CHN2: variants seen among roughly 807,000 people sequenced by gnomAD.
CHN2 encodes beta-chimaerin.
CHN2 carries 35 observed loss-of-function variants against 56.3 expected under a neutral mutation model. The ratio of observed to expected loss-of-function variants is 0.62; its 90% CI spans 0.47 to 0.82. The LOEUF is 0.82. Among genes scored for constraint, CHN2 ranks in the 40% least tolerant of loss-of-function variants. The pLI is 0.00. For missense variants in CHN2, 491 were observed against 580.5 expected, an observed-to-expected ratio of 0.85 and a Z score of 1.58; for synonymous variants, 210 against 212.8, an observed-to-expected ratio of 0.99 and a Z score of 0.12.
intron 1 of CHN2, among the ~76,000 whole-genome samples, chr7:29,303,486 C>G (rs1275914339): frequency 6.6e-6 from 1 of 152,192 alleles, no homozygotes; most frequent in Non-Finnish European, 1.5e-5. Context: ...CCCCTTCCCT[C>G]TTATTTCCCA....
chr7:29,256,408 G>T (rs1193836155), intron 1 of CHN2, among the ~76,000 whole-genome samples: 1 of 152,332 alleles, frequency 6.6e-6, no homozygotes, highest in South Asian at 2.1e-4. Context: ...AGGTTTGTAT[G>T]TGAACATTCG....
chr7:29,504,631 G>C (rs1790355198), intron 9 of CHN2, 113 bp from the exon 10 acceptor site: 1 of 677,004 alleles, frequency 1.5e-6, no homozygotes, highest in East Asian at 2.6e-5. Flanking sequence ...TAAAATCACT[G>C]TCTATGTTTG....
chr7:29,473,703 T>G (rs2128532190), intron 6 of CHN2, among the ~76,000 whole-genome samples: 1 of 151,598 alleles, frequency 6.6e-6, no homozygotes, highest in Non-Finnish European at 1.5e-5. Context: ...CCTCCGGGGG[T>G]TCTGATGCCT....
chr7:29,473,482 T>TTTTGTGTG (rs539151442), intron 6 of CHN2, among the ~76,000 whole-genome samples: 113 of 118,182 alleles, frequency 9.6e-4, no homozygotes, highest in Admixed American at 2.2e-3. Context: ...TTTTTTTTTT[T>TTTTGTGTG]TGTGTGTGTG....
At chr7:29,358,708 C>T (rs1190352424) in intron 2 of CHN2, among the ~76,000 whole-genome samples, 1 of 152,152 alleles carries the variant, frequency 6.6e-6, no homozygotes, top group African/African-American at 2.4e-5. Flanking sequence ...TCGTGATCTG[C>T]CCGCCTCGGC....
intron 1 of CHN2, among the ~76,000 whole-genome samples, chr7:29,261,702 C>G (rs999692596): frequency 6.6e-6 from 1 of 152,142 alleles, no homozygotes; most frequent in Non-Finnish European, 1.5e-5. Flanking sequence ...GAAATTACTT[C>G]AAATAAATAC....
At chr7:29,424,644 A>G (rs1264168031) in intron 6 of CHN2, among the ~76,000 whole-genome samples, 1 of 152,200 alleles carries the variant, frequency 6.6e-6, no homozygotes, top group African/African-American at 2.4e-5. Flanking sequence ...GTTTTTAAAA[A>G]TATTTTTAAT....
intron 1 of CHN2, among the ~76,000 whole-genome samples, chr7:29,318,413 A>G (rs1180795378): frequency 6.6e-6 from 1 of 152,164 alleles, no homozygotes; most frequent in Non-Finnish European, 1.5e-5. Flanking sequence ...AGCCCTTTAC[A>G]GGAAGTTTGT....
intron 1 of CHN2, among the ~76,000 whole-genome samples, chr7:29,197,010 G>T (rs1783788287): frequency 6.6e-6 from 1 of 152,164 alleles, no homozygotes; most frequent in Non-Finnish European, 1.5e-5. Flanking sequence ...CAGGCACTTT[G>T]TCTTGAAAAA....
At chr7:29,482,163 G>A (rs761051255) in intron 7 of CHN2, among the ~76,000 whole-genome samples, 9 of 152,152 alleles carry the variant, frequency 5.9e-5, no homozygotes, top group East Asian at 1.9e-4. Context: ...GCTATTCACC[G>A]TTAACAGCTC....
chr7:29,490,116 T>C (rs1178756986), intron 7 of CHN2, among the ~76,000 whole-genome samples: 1 of 146,046 alleles, frequency 6.8e-6, no homozygotes, highest in African/African-American at 2.5e-5. Context: ...CATTCCTTTT[T>C]TTTTTTTTTT....
chr7:29,454,785 C>T (rs992768017), intron 6 of CHN2, among the ~76,000 whole-genome samples: 5 of 152,118 alleles, frequency 3.3e-5, no homozygotes, highest in Non-Finnish European at 4.4e-5. Context: ...GGCTACGTGA[C>T]TACGTGCATT....
chr7:29,153,706 AT>A (rs1306954697), intron 2 of CHN2, among the ~76,000 whole-genome samples: 1 of 151,984 alleles, frequency 6.6e-6, no homozygotes, highest in Non-Finnish European at 1.5e-5. Context: ...AGTGGCTGGG[AT>A]TACAGGTGTG....
chr7:29,352,218 A>G (rs1797935344), intron 1 of CHN2, among the ~76,000 whole-genome samples: 1 of 152,160 alleles, frequency 6.6e-6, no homozygotes, highest in Non-Finnish European at 1.5e-5. Flanking sequence ...TGCTCTAGAT[A>G]CTGAACTTGC....
intron 1 of CHN2, among the ~76,000 whole-genome samples, chr7:29,263,979 AG>A (rs1304736761): frequency 8.9e-6 from 1 of 112,026 alleles, no homozygotes; most frequent in Non-Finnish European, 1.8e-5. Flanking sequence ...GTGGGGGGGC[AG>A]CCCCCGCCCA....
chr7:29,330,430 A>G (rs188942370), intron 1 of CHN2, among the ~76,000 whole-genome samples: 1 of 152,336 alleles, frequency 6.6e-6, no homozygotes, highest in East Asian at 1.9e-4. Flanking sequence ...ACAACGTAAG[A>G]AAAAGAGAGT....
At chr7:29,158,417 C>T (rs1794721601) in intron 2 of CHN2, among the ~76,000 whole-genome samples, 1 of 152,118 alleles carries the variant, frequency 6.6e-6, no homozygotes, top group Non-Finnish European at 1.5e-5. Flanking sequence ...CCAAAGAAAA[C>T]TAGAGGAATG....
At chr7:29,304,909 C>G (rs1319246389) in intron 1 of CHN2, among the ~76,000 whole-genome samples, 2 of 152,198 alleles carry the variant, frequency 1.3e-5, no homozygotes, top group Non-Finnish European at 2.9e-5. Context: ...GCAGGTTGCT[C>G]TGAGATTGTG....
intron 2 of CHN2, among the ~76,000 whole-genome samples, chr7:29,163,505 C>T (rs746098320): frequency 1.3e-5 from 2 of 152,064 alleles, no homozygotes; most frequent in African/African-American, 2.4e-5. Flanking sequence ...TGTTAATGGG[C>T]ATATGCATAT....
Sources: gnomAD v4.1 joint callset for allele counts (sites outside exome capture counted in the v4.1 genomes callset) on GRCh38, gnomAD v4.1.1 for gene constraint, MANE v1.5 for transcripts, NCBI Gene and HGNC (gene_info 2026-07-23, HGNC 2026-07-21) for gene names.